Variants in GRID1 observed in about 807,000 individuals in gnomAD.
GRID1 encodes glutamate ionotropic receptor delta type subunit 1.
In GRID1, 28 loss-of-function variants were observed where a neutral mutation model predicts 98.0. That is an observed-to-expected ratio of 0.29 (90% CI 0.21 to 0.39). The LOEUF (loss-of-function observed/expected upper bound fraction) is 0.39, where lower values mean the gene tolerates loss of function less well. Ranked by LOEUF, GRID1 falls within the 10% of genes least tolerant of loss-of-function variation. The pLI is 1.00. For synonymous variants in GRID1, 553 were observed against 538.5 expected, an observed-to-expected ratio of 1.03 and a Z score of -0.37; for missense variants, 1,111 against 1,340.5, an observed-to-expected ratio of 0.83 and a Z score of 2.67.
In GRID1 at chr10:85,662,747, C is replaced by G. The variant is rs146404135; in HGVS notation, c.1998-15350G>C. On this transcript the variant is annotated intron_variant, in intron 12 of 15. Coordinates refer to ENST00000327946, the MANE Select transcript of GRID1 (RefSeq NM_017551.3). Reference sequence around the variant, plus strand: ...CACTGTGTCGTAGGAAGCACCATATCCACCATGCCGCCATGAAAAGGTTCT... The same window carrying G: ...CACTGTGTCGTAGGAAGCACCATATGCACCATGCCGCCATGAAAAGGTTCT... Among the ~76,000 whole-genome samples the G allele has an allele frequency of 7.2e-4, 110 of 152,294 alleles. 1 individual carries two copies. In the East Asian group the frequency reaches 0.019, roughly 27 times the overall value.
At chr10:86,010,429 G>A (rs905379194) in intron 4 of GRID1, among the ~76,000 whole-genome samples, 1 of 152,194 alleles carries the variant, frequency 6.6e-6, no homozygotes, top group African/African-American at 2.4e-5. Flanking sequence ...CGAGGGCTAT[G>A]AAGGGCAGGC....
intron 4 of GRID1, among the ~76,000 whole-genome samples, chr10:85,969,698 C>T (rs112433604): frequency 7.2e-5 from 11 of 151,994 alleles, no homozygotes; most frequent in African/African-American, 2.6e-4. Context: ...AAAGCAGTGC[C>T]TAGAGGAAAA....
intron 8 of GRID1, among the ~76,000 whole-genome samples, chr10:85,760,269 C>A (rs181765077): frequency 2.6e-5 from 4 of 152,196 alleles, no homozygotes; most frequent in African/African-American, 4.8e-5. Context: ...TTATATTGTT[C>A]AGCTTTATTA....
chr10:86,296,711 C>T (rs1847595839), intron 2 of GRID1, among the ~76,000 whole-genome samples: 1 of 152,064 alleles, frequency 6.6e-6, no homozygotes, highest in African/African-American at 2.4e-5. Context: ...TGCACTCCAG[C>T]CTGGGCAACA....
intron 15 of GRID1, among the ~76,000 whole-genome samples, chr10:85,603,665 G>A (rs1291963471): frequency 1.3e-5 from 2 of 152,218 alleles, no homozygotes; most frequent in Middle Eastern, 3.2e-3. Context: ...GGTGGGCACA[G>A]GACCTGGTGC....
intron 4 of GRID1, among the ~76,000 whole-genome samples, chr10:86,010,008 A>G (rs763656912): frequency 6.6e-5 from 10 of 152,110 alleles, no homozygotes; most frequent in Non-Finnish European, 1.5e-4. Flanking sequence ...CCAGGTTTGC[A>G]TATCAGACAC....
chr10:85,634,285 TCTCTCTCA>T (rs763617706), intron 13 of GRID1, among the ~76,000 whole-genome samples: 3,689 of 139,584 alleles, frequency 0.026, 55 homozygotes, highest in Non-Finnish European at 0.037. Context: ...TCTCTCTCTC[TCTCTCTCA>T]CACACACACA....
chr10:86,198,209 C>T (rs567534196), intron 3 of GRID1, among the ~76,000 whole-genome samples: 6 of 152,086 alleles, frequency 3.9e-5, no homozygotes, highest in African/African-American at 7.2e-5. Flanking sequence ...AGCTGTCCAG[C>T]TTAGAAGGCA....
At chr10:86,044,398 G>A (rs1250050589) in intron 4 of GRID1, among the ~76,000 whole-genome samples, 3 of 152,164 alleles carry the variant, frequency 2.0e-5, no homozygotes, top group Non-Finnish European at 4.4e-5. Context: ...CATTTTAATT[G>A]CTGGTCTTTT....
At chr10:85,727,260 A>G (rs61178620) in intron 10 of GRID1, among the ~76,000 whole-genome samples, 9,086 of 152,260 alleles carry the variant, frequency 0.06, 512 homozygotes, top group African/African-American at 0.15. Context: ...GATTTGAGTC[A>G]GATGCCACCA....
intron 4 of GRID1, among the ~76,000 whole-genome samples, chr10:85,970,815 G>A (rs1208708426): frequency 6.6e-6 from 1 of 151,962 alleles, no homozygotes; most frequent in Non-Finnish European, 1.5e-5. Context: ...TATTGTACTG[G>A]AGATTCTAGT....
At chr10:85,865,806 G>A (rs1843208885) in intron 6 of GRID1, among the ~76,000 whole-genome samples, 1 of 150,704 alleles carries the variant, frequency 6.6e-6, no homozygotes, top group Non-Finnish European at 1.5e-5. Flanking sequence ...TGTTGGGCAG[G>A]ATGAATACAT....
At position 85,601,328 on chromosome 10, in the gene GRID1, C is replaced by T. The variant is rs1415790238; in HGVS notation, c.*945G>A. The T allele has an allele frequency of 6.6e-6, 1 of 152,464 alleles. No individual in the cohort carries two copies. The highest frequency in any genetic ancestry group is 1.5e-5 in the Non-Finnish European group (1 of 68,294). The allele number at this position is 152,464 out of a possible 1,614,324, so 9.4% of individuals were successfully genotyped here. A position where few individuals can be genotyped will look rare whatever the true frequency, so the allele number is the denominator to read the frequency against. The stretch of plus-strand genomic sequence containing the variant: ...AACCCAAGGGAATATTCTTCCTCTA[C>T]CTGGCCTTTTGTTCCACCACCTCAC... On this transcript the variant is annotated 3_prime_UTR_variant, in exon 16 of 16. Transcript: ENST00000327946.
chr10:86,245,105 G>A (rs1846702284), intron 2 of GRID1, among the ~76,000 whole-genome samples: 1 of 152,226 alleles, frequency 6.6e-6, no homozygotes, highest in Non-Finnish European at 1.5e-5. Flanking sequence ...TAGGCACTAA[G>A]AACCTGGCCT....
chr10:85,952,590 T>C (rs1235539646), intron 4 of GRID1, among the ~76,000 whole-genome samples: 1 of 152,152 alleles, frequency 6.6e-6, no homozygotes, highest in Non-Finnish European at 1.5e-5. Flanking sequence ...TGTTTTTTTT[T>C]CTTCAAGGCT....
chr10:86,285,875 G>A lies in GRID1; in HGVS notation c.235+78066C>T, dbSNP rs560698993. ...CTCATCAACATTGTAATGAAAAGACGTTTGAGCAAAACCGTATTTGAGAAC... is the reference window on the plus strand; with the variant it reads ...CTCATCAACATTGTAATGAAAAGACATTTGAGCAAAACCGTATTTGAGAAC... On this transcript the variant is annotated intron_variant, in intron 2 of 15. Coordinates refer to ENST00000327946, the MANE Select transcript of GRID1 (RefSeq NM_017551.3). 1.0e-3 allele frequency among the ~76,000 whole-genome samples: 158 copies of A among 152,298 alleles called. 3 individuals are homozygous for A. The South Asian group carries it at 0.012, about 12-fold the overall frequency.
chr10:85,663,910 A>C (rs555530760), intron 12 of GRID1, among the ~76,000 whole-genome samples: 6 of 152,330 alleles, frequency 3.9e-5, no homozygotes, highest in Non-Finnish European at 8.8e-5. Context: ...CCAGGTATTG[A>C]ATGTGCTCTA....
intron 5 of GRID1, among the ~76,000 whole-genome samples, chr10:85,893,171 A>G (rs1841230070): frequency 2.6e-5 from 4 of 152,174 alleles, no homozygotes; most frequent in Admixed American, 2.6e-4. Context: ...AATATTTGGC[A>G]AAATTCAAGA....
At chr10:86,178,695 G>A (rs932209341) in intron 3 of GRID1, among the ~76,000 whole-genome samples, 5 of 152,174 alleles carry the variant, frequency 3.3e-5, no homozygotes, top group African/African-American at 1.2e-4. Context: ...GACCCTGGGA[G>A]CCACCTCCAG....
Sources: gnomAD v4.1 joint callset for allele counts (sites outside exome capture counted in the v4.1 genomes callset) on GRCh38, gnomAD v4.1.1 for gene constraint, MANE v1.5 for transcripts, NCBI Gene and HGNC (gene_info 2026-07-23, HGNC 2026-07-21) for gene names.